The following SUMF1 variants were observed in gnomAD, a reference collection of about 807,000 sequenced individuals.
SUMF1 encodes the protein sulfatase modifying factor 1.
Under a neutral mutation model 47.6 loss-of-function variants are expected in SUMF1, and 48 were observed. The observed-to-expected ratio is 1.01, with a 90% CI of 0.80 to 1.28. The LOEUF is 1.28. SUMF1 is among the 50% of genes most tolerant of loss of function. The probability of loss-of-function intolerance (pLI) is 0.00; values close to 1 mark genes in which losing one functional copy is unlikely to be tolerated. For missense variants in SUMF1, 571 were observed against 485.4 expected (o/e 1.18, Z -1.66); for synonymous variants, 230 against 192.1 (o/e 1.20, Z -1.63).
intron 8 of SUMF1, among the ~76,000 whole-genome samples, chr3:4,257,877 G>A (rs1470040028): frequency 1.3e-5 from 2 of 151,292 alleles, no homozygotes; most frequent in Non-Finnish European, 3.0e-5. Flanking sequence ...CAAGGCTACA[G>A]TAACCAAAAC....
intron 3 of SUMF1, among the ~76,000 whole-genome samples, chr3:4,438,559 A>G (rs1282842130): frequency 6.6e-6 from 1 of 152,198 alleles, no homozygotes; most frequent in African/African-American, 2.4e-5. Context: ...CAGAACCCCT[A>G]CTTACCTCTG....
At chr3:4,228,736 G>C (rs1053093679) in intron 8 of SUMF1, among the ~76,000 whole-genome samples, 1 of 152,100 alleles carries the variant, frequency 6.6e-6, no homozygotes, top group African/African-American at 2.4e-5. Flanking sequence ...TTAGAACCCT[G>C]ACATATCAAT....
At chr3:4,107,735 T>A (rs1329856062) in intron 8 of SUMF1, among the ~76,000 whole-genome samples, 2 of 152,066 alleles carry the variant, frequency 1.3e-5, no homozygotes, top group Non-Finnish European at 2.9e-5. Context: ...GAAGGATCAC[T>A]TGAGACCAGG....
At chr3:4,259,273 T>G (rs12630212) in intron 8 of SUMF1, among the ~76,000 whole-genome samples, 1 of 151,900 alleles carries the variant, frequency 6.6e-6, no homozygotes, top group African/African-American at 2.4e-5. Flanking sequence ...TAAAAATAAA[T>G]AAATAAATAA....
At chr3:4,397,887 A>G (rs1047741028) in intron 7 of SUMF1, among the ~76,000 whole-genome samples, 2 of 152,166 alleles carry the variant, frequency 1.3e-5, no homozygotes, top group African/African-American at 4.8e-5. Context: ...AAAACATAAT[A>G]CTCATAATTA....
intron 8 of SUMF1, among the ~76,000 whole-genome samples, chr3:4,168,454 G>A (rs1694760166): frequency 6.6e-6 from 1 of 152,180 alleles, no homozygotes; most frequent in African/African-American, 2.4e-5. Context: ...TCAGAAGCAA[G>A]GTTGGTCTTC....
intron 8 of SUMF1, among the ~76,000 whole-genome samples, chr3:4,315,055 T>TA (rs1485874767): frequency 6.6e-6 from 1 of 152,190 alleles, no homozygotes; most frequent in Non-Finnish European, 1.5e-5. Flanking sequence ...ATAATGTTCA[T>TA]ATAACATTAC....
rs577646154 is a variant in SUMF1, at chr3:4,405,100, G to C, written c.954+5765C>G. On this transcript the variant is annotated intron_variant, in intron 7 of 8. Transcript: ENST00000272902. ...TGGGAGGCCAGAGGATCACAGGGAA[G>C]GGGAACAATCAAGTGTGGAGTTTAG... Among the ~76,000 whole-genome samples the C allele has an allele frequency of 3.9e-5, 6 of 152,296 alleles. No homozygotes were observed. The South Asian group carries it at 1.2e-3, about 32-fold the overall frequency.
chr3:4,067,539 T>C (rs771362919), intron 9 of SUMF1, among the ~76,000 whole-genome samples: 63 of 152,138 alleles, frequency 4.1e-4, no homozygotes, highest in Non-Finnish European at 8.8e-5. Flanking sequence ...CCCCAAGTCA[T>C]AAGCAATATT....
At chr3:4,388,202 T>A (rs1311531623) in intron 7 of SUMF1, among the ~76,000 whole-genome samples, 1 of 152,060 alleles carries the variant, frequency 6.6e-6, no homozygotes, top group Non-Finnish European at 1.5e-5. Flanking sequence ...TTAGTCTACT[T>A]CTCCTTTCAA....
At chr3:4,342,778 G>T (rs1332911626) in intron 8 of SUMF1, among the ~76,000 whole-genome samples, 1 of 152,128 alleles carries the variant, frequency 6.6e-6, no homozygotes, top group Non-Finnish European at 1.5e-5. Context: ...CACAGAAGCA[G>T]CACCCTACCA....
chr3:4,449,396 G>A (rs1702893350), intron 2 of SUMF1, 56 bp from the exon 3 acceptor site: 2 of 1,544,262 alleles, frequency 1.3e-6, no homozygotes, highest in Admixed American at 1.7e-5. Context: ...TGTGTTGCAT[G>A]TGTGCCCTTT....
At chr3:4,331,700 C>T (rs1441773337) in intron 8 of SUMF1, among the ~76,000 whole-genome samples, 4 of 152,098 alleles carry the variant, frequency 2.6e-5, no homozygotes, top group Non-Finnish European at 5.9e-5. Flanking sequence ...CGTGGTGGCA[C>T]ACACCTGTAA....
chr3:4,126,041 C>T lies in SUMF1; in HGVS notation c.1015-57296G>A, dbSNP rs562643962. Among the ~76,000 whole-genome samples, 70 of 151,972 alleles carry T rather than the reference C, an allele frequency of 4.6e-4. No homozygotes were observed. The South Asian group carries it at 0.014, about 31-fold the overall frequency. On this transcript the variant is annotated intron_variant and NMD_transcript_variant, in intron 8 of 12. Transcript: ENST00000448413. ...TTTCCTAAGCATGCACAAACTATCC[C>T]TAGAACTGCATCCCACCTGTCAGTG...
intron 1 of SUMF1, among the ~76,000 whole-genome samples, chr3:4,460,090 T>C (rs889290783): frequency 2.6e-5 from 4 of 152,226 alleles, no homozygotes; most frequent in African/African-American, 9.6e-5. Flanking sequence ...GATCTCACCA[T>C]GATGAGCTAC....
chr3:4,098,113 C>A (rs1463380800), intron 8 of SUMF1, among the ~76,000 whole-genome samples: 2 of 152,094 alleles, frequency 1.3e-5, no homozygotes, highest in Admixed American at 6.6e-5. Context: ...CCAAAATTGC[C>A]TCATACTGCT....
chr3:4,276,893 T>TAGATCTGG (rs1697430893), intron 8 of SUMF1, among the ~76,000 whole-genome samples: 2 of 152,192 alleles, frequency 1.3e-5, no homozygotes, highest in South Asian at 4.1e-4. Context: ...AATAAGTATA[T>TAGATCTGG]AGATCTGGAC....
intron 8 of SUMF1, among the ~76,000 whole-genome samples, chr3:4,240,117 C>T (rs535234315): frequency 1.3e-5 from 2 of 152,278 alleles, no homozygotes; most frequent in African/African-American, 4.8e-5. Context: ...AGGGATGAAG[C>T]TGACTTGATG....
At chr3:4,442,257 CTT>C (rs35480700) in intron 3 of SUMF1, among the ~76,000 whole-genome samples, 38 of 140,550 alleles carry the variant, frequency 2.7e-4, no homozygotes, top group Admixed American at 2.9e-4. Flanking sequence ...ACCATGAACT[CTT>C]TTTTTTTTTT....
Sources: gnomAD v4.1 joint callset for allele counts (sites outside exome capture counted in the v4.1 genomes callset) on GRCh38, gnomAD v4.1.1 for gene constraint, MANE v1.5 for transcripts, NCBI Gene and HGNC (gene_info 2026-07-23, HGNC 2026-07-21) for gene names.